The following NYAP2 variants were observed in gnomAD, a reference collection of about 807,000 sequenced individuals.
NYAP2 encodes the protein neuronal tyrosine-phosphorylated phosphoinositide-3-kinase adaptor 2, also known as neuronal tyrosine-phosphorylated phosphoinositide-3-kinase adapter 2.
A neutral mutation model predicts 50.4 loss-of-function variants in NYAP2; 23 were observed. The ratio of observed to expected loss-of-function variants is 0.46; its 90% confidence interval spans 0.33 to 0.65. The LOEUF is 0.65. Ranked by LOEUF, NYAP2 falls within the 30% of genes least tolerant of loss-of-function variation. NYAP2 has a pLI of 0.02. For synonymous variants in NYAP2, 394 were observed against 365.2 expected (o/e 1.08, Z -0.90); for missense variants, 885 against 861.0 (o/e 1.03, Z -0.35).
chr2:225,469,922 CA>C (rs750872441), intron 3 of NYAP2, among the ~76,000 whole-genome samples: 4 of 152,094 alleles, frequency 2.6e-5, no homozygotes, highest in Non-Finnish European at 5.9e-5. Flanking sequence ...ATGGGTGCAG[CA>C]AACCACCATG....
At chr2:225,641,030 T>C (rs1222889411) in intron 6 of NYAP2, among the ~76,000 whole-genome samples, 1 of 152,148 alleles carries the variant, frequency 6.6e-6, no homozygotes. Context: ...TGCCTCTCAA[T>C]ACAAGATTAA....
At position 225,579,685 on chromosome 2, in the gene NYAP2, T is replaced by C. The variant is rs531889019; in HGVS notation, c.524-2256T>C. On this transcript the variant is annotated intron_variant, in intron 4 of 6. Coordinates refer to ENST00000636099, the Ensembl canonical transcript of NYAP2. Reference sequence around the variant, plus strand: ...TCAACCGTTGCTTCTCTGAATGCCGTGCCATGCCCAGATCTGCCACTGAAA... The same window carrying C: ...TCAACCGTTGCTTCTCTGAATGCCGCGCCATGCCCAGATCTGCCACTGAAA... Among the ~76,000 whole-genome samples, 54 of 152,308 alleles carry C rather than the reference T, an allele frequency of 3.5e-4. 1 individual carries two copies. The South Asian group carries it at 8.9e-3, about 25-fold the overall frequency.
At chr2:225,407,052 A>G (rs979097273) in intron 2 of NYAP2, among the ~76,000 whole-genome samples, 1 of 152,030 alleles carries the variant, frequency 6.6e-6, no homozygotes, top group Admixed American at 6.6e-5. Context: ...TTCTTGTAAT[A>G]GTGACTTGGC....
intron 3 of NYAP2, among the ~76,000 whole-genome samples, chr2:225,446,963 C>T (rs1232052965): frequency 2.6e-5 from 4 of 152,054 alleles, no homozygotes; most frequent in Non-Finnish European, 5.9e-5. Flanking sequence ...CAGACAGTGT[C>T]TCTTTCACCG....
intron 3 of NYAP2, among the ~76,000 whole-genome samples, chr2:225,414,640 A>G (rs970304412): frequency 6.6e-6 from 1 of 152,046 alleles, no homozygotes; most frequent in Non-Finnish European, 1.5e-5. Context: ...CCGGCCACAA[A>G]CATCCCTTAA....
At chr2:225,536,928 G>A (rs545906388) in intron 4 of NYAP2, among the ~76,000 whole-genome samples, 12 of 151,872 alleles carry the variant, frequency 7.9e-5, no homozygotes, top group East Asian at 3.9e-4. Flanking sequence ...ACAAGTGCCC[G>A]CCACCACGCC....
intron 3 of NYAP2, among the ~76,000 whole-genome samples, chr2:225,506,583 G>T (rs79608817): frequency 0.033 from 5,064 of 152,282 alleles, 290 homozygotes; most frequent in African/African-American, 0.11. Flanking sequence ...GGTAGGATGG[G>T]CCAGGGGGAT....
chr2:225,634,369 T>G (rs1198031191), intron 6 of NYAP2, among the ~76,000 whole-genome samples: 2 of 152,124 alleles, frequency 1.3e-5, no homozygotes, highest in East Asian at 3.9e-4. Context: ...ACAACCAGTA[T>G]GAGCTAAAGA....
chr2:225,554,050 A>T (rs549512288), intron 4 of NYAP2, among the ~76,000 whole-genome samples: 1 of 152,272 alleles, frequency 6.6e-6, no homozygotes, highest in South Asian at 2.1e-4. Context: ...ATTTCAAAAC[A>T]ATTAAAAAGG....
At chr2:225,522,597 A>G (rs1691084839) in intron 4 of NYAP2, among the ~76,000 whole-genome samples, 1 of 152,176 alleles carries the variant, frequency 6.6e-6, no homozygotes, top group African/African-American at 2.4e-5. Flanking sequence ...TAATAATGTC[A>G]TTTCTCATGC....
At chr2:225,549,313 G>A (rs897827008) in intron 4 of NYAP2, among the ~76,000 whole-genome samples, 6 of 152,206 alleles carry the variant, frequency 3.9e-5, no homozygotes, top group South Asian at 2.1e-4. Flanking sequence ...ATCCATTTAC[G>A]TATCTGTTTC....
chr2:225,655,885 TACACACACACACAC>T (rs372646871), downstream of NYAP2, among the ~76,000 whole-genome samples: 11 of 121,214 alleles, frequency 9.1e-5, no homozygotes, highest in South Asian at 1.0e-3. Flanking sequence ...CAACCTCCAC[TACACACACACACAC>T]ACACACACAC....
intron 3 of NYAP2, among the ~76,000 whole-genome samples, chr2:225,494,819 A>G (rs1690472923): frequency 6.6e-6 from 1 of 152,194 alleles, no homozygotes; most frequent in Non-Finnish European, 1.5e-5. Flanking sequence ...GCTTGTATAC[A>G]CAATACAGCT....
chr2:225,673,152 T>C, the NYAP2 span, among the ~76,000 whole-genome samples: 1 of 151,862 alleles, frequency 6.6e-6, no homozygotes, highest in Non-Finnish European at 1.5e-5. Flanking sequence ...GTGGAGAAAC[T>C]CCCCCTTATG....
chr2:225,637,604 T>C (rs1019723880), intron 6 of NYAP2, among the ~76,000 whole-genome samples: 1 of 152,124 alleles, frequency 6.6e-6, no homozygotes, highest in Non-Finnish European at 1.5e-5. Flanking sequence ...CTTTCTAAAT[T>C]TGAGGAGCAA....
intron 3 of NYAP2, among the ~76,000 whole-genome samples, chr2:225,488,531 G>T (rs1273062820): frequency 6.6e-6 from 1 of 151,982 alleles, no homozygotes; most frequent in Non-Finnish European, 1.5e-5. Context: ...ATACCACCAA[G>T]CCCAGCTAAT....
intron 3 of NYAP2, among the ~76,000 whole-genome samples, chr2:225,490,925 C>T (rs1379967387): frequency 1.3e-5 from 2 of 152,302 alleles, no homozygotes; most frequent in Non-Finnish European, 2.9e-5. Context: ...GAGCATTACA[C>T]TCTTGACTGC....
the NYAP2 span, among the ~76,000 whole-genome samples, chr2:225,663,801 C>T: frequency 2.0e-5 from 3 of 152,240 alleles, no homozygotes; most frequent in South Asian, 6.2e-4. Flanking sequence ...TGTGATCTGC[C>T]TGCCTCAGCC....
At chr2:225,702,691 T>A in the NYAP2 span, 2 of 151,708 alleles carry the variant, frequency 1.3e-5, no homozygotes, top group Non-Finnish European at 3.0e-5. Flanking sequence ...GACTTGGGGT[T>A]TGGATGATTT....
Sources: allele counts gnomAD v4.1 joint callset (sites outside exome capture counted in the v4.1 genomes callset), GRCh38; gene constraint gnomAD v4.1.1; transcripts MANE v1.5; gene names NCBI Gene and HGNC (gene_info 2026-07-23, HGNC 2026-07-21).